PLCB1: variants seen among roughly 807,000 people sequenced by gnomAD.
PLCB1 encodes the protein 1-phosphatidylinositol 4,5-bisphosphate phosphodiesterase beta-1.
PLCB1 carries 46 observed loss-of-function variants against 161.8 expected under a neutral mutation model. That is an observed-to-expected ratio of 0.28 (90% CI 0.22 to 0.36). The LOEUF (loss-of-function observed/expected upper bound fraction) is 0.36, where lower values mean the gene tolerates loss of function less well. PLCB1 is among the 10% of genes least tolerant of loss of function. The probability of loss-of-function intolerance (pLI) is 1.00; values close to 1 mark genes in which losing one functional copy is unlikely to be tolerated. For synonymous variants in PLCB1, 517 were observed against 503.7 expected, an observed-to-expected ratio of 1.03 and a Z score of -0.35; for missense variants, 1,016 against 1,472.5, an observed-to-expected ratio of 0.69 and a Z score of 5.07.
intron 2 of PLCB1, among the ~76,000 whole-genome samples, chr20:8,338,405 AT>A (rs1418323200): frequency 6.6e-6 from 1 of 152,168 alleles, no homozygotes; most frequent in African/African-American, 2.4e-5. Flanking sequence ...TGAAGAAAGC[AT>A]TAAAGTGTTC....
chr20:8,708,843 T>G lies in PLCB1; in HGVS notation c.1250+91T>G, dbSNP rs900627213. ...TCAGATTTAAGATTATTTGACATGA[T>G]TAATGGTGTTCTTCAATCATGTTGT... On this transcript the variant is annotated intron_variant, in intron 12 of 31. Transcript: ENST00000338037. The G allele has an allele frequency of 9.2e-6, 7 of 762,414 alleles. No individual in the cohort carries two copies. The African/African-American group carries it at 1.2e-4, about 13-fold the overall frequency. 47.2% of individuals were successfully genotyped at this position (762,414 alleles called of 1,614,324 possible). A position where few individuals can be genotyped will look rare whatever the true frequency, so the allele number is the denominator to read the frequency against.
At chr20:8,726,683 T>G (rs1555212) in intron 16 of PLCB1, among the ~76,000 whole-genome samples, 105,144 of 151,768 alleles carry the variant, frequency 0.69, 37,769 homozygotes, top group East Asian at 0.81. Context: ...TAACCCCCCC[T>G]TGACACTGTG....
rs1982256238 is a variant in PLCB1 at position 8,765,218 on chromosome 20, G to T, written c.2790G>T (p.Met930Ile). 6.2e-7 allele frequency: 1 copy of T among 1,614,008 alleles called. No homozygotes were observed. The change falls in exon 26 of 32, where the codon ATG (methionine) becomes ATT (isoleucine). Residue 930 changes from methionine to isoleucine, a missense_variant. Transcript: ENST00000338037. The stretch of plus-strand genomic sequence containing the variant: ...TTCAAAAGAAACACTACAAAGAAAT[G>T]AAAGACCTGGTTAAGAGACACCACA... ...VKLQKKHYKE[M>I]KDLVKRHHKK...
chr20:8,642,111 G>A (rs777468649), intron 4 of PLCB1, among the ~76,000 whole-genome samples: 2 of 152,064 alleles, frequency 1.3e-5, no homozygotes, highest in East Asian at 3.9e-4. Context: ...ACAATATTGA[G>A]TCCTAATATG....
chr20:8,689,045 T>C (rs1990416624), intron 10 of PLCB1, among the ~76,000 whole-genome samples: 1 of 151,796 alleles, frequency 6.6e-6, no homozygotes, highest in African/African-American at 2.4e-5. Flanking sequence ...GTTTTCCTTG[T>C]AGAAGCCTTT....
chr20:8,593,108 C>T (rs1301836521), intron 3 of PLCB1, among the ~76,000 whole-genome samples: 1 of 152,060 alleles, frequency 6.6e-6, no homozygotes, highest in South Asian at 2.1e-4. Flanking sequence ...GTAGTATAGC[C>T]CAGGCCTTTC....
intron 31 of PLCB1, among the ~76,000 whole-genome samples, chr20:8,871,005 C>T (rs1899124272): frequency 6.6e-6 from 1 of 152,094 alleles, no homozygotes; most frequent in African/African-American, 2.4e-5. Flanking sequence ...GTAGCATGCC[C>T]CACCCCAGAT....
At chr20:8,188,511 A>C (rs1200483912) in intron 2 of PLCB1, among the ~76,000 whole-genome samples, 1 of 152,182 alleles carries the variant, frequency 6.6e-6, no homozygotes, top group East Asian at 1.9e-4. Flanking sequence ...GAGGAGATGC[A>C]TTTTCCTATA....
At chr20:8,369,576 G>A (rs1362095714) in intron 2 of PLCB1, among the ~76,000 whole-genome samples, 1 of 152,148 alleles carries the variant, frequency 6.6e-6, no homozygotes, top group African/African-American at 2.4e-5. Context: ...CACTCATAAG[G>A]TAACCTCCAA....
At chr20:8,713,910 C>T (rs1331144305) in intron 12 of PLCB1, among the ~76,000 whole-genome samples, 1 of 152,024 alleles carries the variant, frequency 6.6e-6, no homozygotes, top group Non-Finnish European at 1.5e-5. Flanking sequence ...CAGAGGACAC[C>T]TGTTTGGGGA....
intron 2 of PLCB1, among the ~76,000 whole-genome samples, chr20:8,276,810 T>C (rs1286819156): frequency 6.6e-6 from 1 of 151,884 alleles, no homozygotes; most frequent in Admixed American, 6.6e-5. Context: ...GATTCATATA[T>C]ACAACAGCAC....
chr20:8,245,545 G>A (rs1051235907), intron 2 of PLCB1, among the ~76,000 whole-genome samples: 9 of 151,932 alleles, frequency 5.9e-5, no homozygotes, highest in Middle Eastern at 3.4e-3. Context: ...TTTTGGTTGG[G>A]CAAGGTCTTT....
At position 8,577,856 on chromosome 20, in the gene PLCB1, T is replaced by G. The variant is rs549525289; in HGVS notation, c.247-50438T>G. Reference sequence around the variant, plus strand: ...CAAGGCACTTATAATGCTTCCCATATTAGGTTTTCTTCTGAAAACCATTTG... The same window carrying G: ...CAAGGCACTTATAATGCTTCCCATAGTAGGTTTTCTTCTGAAAACCATTTG... On this transcript the variant is annotated intron_variant, in intron 3 of 31. Transcript: ENST00000338037. 2.9e-4 allele frequency among the ~76,000 whole-genome samples: 44 copies of G among 152,330 alleles called. No individual in the cohort carries two copies. In the South Asian group the frequency reaches 4.1e-3, roughly 14 times the overall value.
At position 8,383,115 on chromosome 20, in the gene PLCB1, C is replaced by T. The variant is rs904182952; in HGVS notation, c.246+11665C>T. Among the ~76,000 whole-genome samples the T allele has an allele frequency of 2.0e-5, 3 of 151,104 alleles. 1 individual carries two copies. Among genetic ancestry groups the T allele is most frequent in the Admixed American group, 6.6e-5 (1 of 15,206 alleles). ...TAAATTTTCTGTCTCATTGATCTGT[C>T]TAATATTGACAGTGGGATGTTAAAG... On this transcript the variant is annotated intron_variant, in intron 3 of 31. Coordinates refer to ENST00000338037, the MANE Select transcript of PLCB1 (RefSeq NM_015192.4).
At chr20:8,463,051 G>C (rs1309029105) in intron 3 of PLCB1, among the ~76,000 whole-genome samples, 1 of 151,914 alleles carries the variant, frequency 6.6e-6, no homozygotes, top group Non-Finnish European at 1.5e-5. Context: ...AGGCAACTCA[G>C]TATGTTGATT....
At position 8,780,253 on chromosome 20, in the gene PLCB1, C is replaced by G. The variant is rs145985045; in HGVS notation, c.3111+5534C>G. Among the ~76,000 whole-genome samples the G allele has an allele frequency of 3.2e-3, 490 of 152,328 alleles. 1 individual carries two copies. The highest frequency in any genetic ancestry group is 0.014 in the Middle Eastern group (4 of 294). The stretch of plus-strand genomic sequence containing the variant: ...CACTCTGGGTACTCAGCTCTACCAT[C>G]ACATTCTACTAAACACCCACAGCCC... On this transcript the variant is annotated intron_variant, in intron 27 of 31. Coordinates refer to ENST00000338037, the MANE Select transcript of PLCB1 (RefSeq NM_015192.4).
chr20:8,800,451 A>G (rs996770984), intron 31 of PLCB1, among the ~76,000 whole-genome samples: 24 of 152,190 alleles, frequency 1.6e-4, no homozygotes, highest in Non-Finnish European at 2.2e-4. Flanking sequence ...ACACACACAC[A>G]CACATATACA....
At chr20:8,485,513 A>C (rs1310404644) in intron 3 of PLCB1, among the ~76,000 whole-genome samples, 1 of 152,236 alleles carries the variant, frequency 6.6e-6, no homozygotes, top group Non-Finnish European at 1.5e-5. Flanking sequence ...ATCAGGGTTT[A>C]GTGATGTTAA....
intron 31 of PLCB1, among the ~76,000 whole-genome samples, chr20:8,862,409 A>G (rs1458111373): frequency 6.6e-6 from 1 of 152,112 alleles, no homozygotes; most frequent in Non-Finnish European, 1.5e-5. Flanking sequence ...CTGTACATCA[A>G]TTTCTCTTCT....
Sources: allele counts gnomAD v4.1 joint callset (sites outside exome capture counted in the v4.1 genomes callset), GRCh38; gene constraint gnomAD v4.1.1; transcripts MANE v1.5; gene names NCBI Gene and HGNC (gene_info 2026-07-23, HGNC 2026-07-21).